GNAL: variants seen among roughly 807,000 people sequenced by gnomAD.
The protein encoded by GNAL is G protein subunit alpha L.
In GNAL, 18 loss-of-function variants were observed where a neutral mutation model predicts 55.1. That is an observed-to-expected ratio of 0.33 (90% CI 0.23 to 0.48). The LOEUF (loss-of-function observed/expected upper bound fraction) is 0.48. Among genes scored for constraint, GNAL ranks in the 20% least tolerant of loss-of-function variants. The pLI, the probability that GNAL is intolerant of heterozygous loss-of-function variation, is 0.99. For synonymous variants in GNAL, 253 were observed against 237.0 expected (o/e 1.07, Z -0.62); for missense variants, 412 against 614.1 (o/e 0.67, Z 3.48).
At chr18:11,875,047 TC>T (rs1433156360) in intron 10 of GNAL, among the ~76,000 whole-genome samples, 1 of 152,190 alleles carries the variant, frequency 6.6e-6, no homozygotes, top group Non-Finnish European at 1.5e-5. Flanking sequence ...TGTGGACTCT[TC>T]CGGGGGAGAA....
chr18:11,778,177 C>G (rs1441256082), intron 4 of GNAL, among the ~76,000 whole-genome samples: 1 of 152,130 alleles, frequency 6.6e-6, no homozygotes, highest in Non-Finnish European at 1.5e-5. Flanking sequence ...AGCTGTTGTT[C>G]GATTTCCTGC....
At position 11,862,174 on chromosome 18, in the gene GNAL, T is replaced by TA. The variant is rs200420676; in HGVS notation, c.723-213dup. 1.5e-4 allele frequency among the ~76,000 whole-genome samples: 23 copies of TA among 150,796 alleles called. No homozygotes were observed. The East Asian group carries it at 4.1e-3, about 27-fold the overall frequency. Reference sequence around the variant, plus strand: ...GAAGAGAGGGGAGAGAAGGCAACATTAAAAAAAAGAAAAAAAAAGAATGCA... The same window carrying TA: ...GAAGAGAGGGGAGAGAAGGCAACATTAAAAAAAAAGAAAAAAAAAGAATGCA... On this transcript the variant is annotated intron_variant, in intron 5 of 11. Transcript: ENST00000334049.
intron 5 of GNAL, chr18:11,852,137 T>C: frequency 1.9e-6 from 3 of 1,548,624 alleles, no homozygotes; most frequent in Non-Finnish European, 2.6e-6. Flanking sequence ...TGAGGTTTCC[T>C]GGCCATAGCC....
At chr18:11,771,877 G>C (rs1295051495) in intron 4 of GNAL, among the ~76,000 whole-genome samples, 3 of 152,054 alleles carry the variant, frequency 2.0e-5, no homozygotes, top group African/African-American at 4.8e-5. Flanking sequence ...ACCATGCCTG[G>C]CTAATTTTTT....
chr18:11,858,330 C>T (rs982669813), intron 5 of GNAL, among the ~76,000 whole-genome samples: 2 of 152,102 alleles, frequency 1.3e-5, no homozygotes, highest in Non-Finnish European at 2.9e-5. Context: ...TGATTTTTTA[C>T]AATGCTAATT....
intron 4 of GNAL, among the ~76,000 whole-genome samples, chr18:11,799,788 T>A (rs1199649211): frequency 6.6e-6 from 1 of 152,108 alleles, no homozygotes; most frequent in Non-Finnish European, 1.5e-5. Flanking sequence ...GCTTTTAAAT[T>A]TTCAGCAGTG....
rs150336098 is a variant in GNAL, at chr18:11,698,042, G to C, written c.376+8103G>C. On this transcript the variant is annotated intron_variant, in intron 1 of 11. Transcript: ENST00000334049. Reference sequence around the variant, plus strand: ...ACGTGCAGAGTGAGAAAGGAAGGGAGGAGGGCCCAGGATAGGAGGCCGTGG... The same window carrying C: ...ACGTGCAGAGTGAGAAAGGAAGGGACGAGGGCCCAGGATAGGAGGCCGTGG... Among the ~76,000 whole-genome samples the C allele has an allele frequency of 1.8e-3, 277 of 152,254 alleles. 1 individual carries two copies. The highest frequency in any genetic ancestry group is 6.4e-3 in the African/African-American group (267 of 41,544).
chr18:11,863,174 C>T (rs1281929603), intron 6 of GNAL, among the ~76,000 whole-genome samples: 1 of 152,168 alleles, frequency 6.6e-6, no homozygotes, highest in Non-Finnish European at 1.5e-5. Flanking sequence ...CCACCGTGCC[C>T]AGCCCACTCC....
At chr18:11,728,800 T>C (rs2032271527) in intron 1 of GNAL, among the ~76,000 whole-genome samples, 1 of 152,180 alleles carries the variant, frequency 6.6e-6, no homozygotes, top group East Asian at 1.9e-4. Context: ...GATTCCTGTC[T>C]TAGACGATGA....
chr18:11,788,914 A>AAAAAAATATATAT (rs60071996), intron 4 of GNAL, among the ~76,000 whole-genome samples: 11 of 56,294 alleles, frequency 2.0e-4, no homozygotes, highest in African/African-American at 6.0e-4. Flanking sequence ...AAAAAAAAAA[A>AAAAAAATATATAT]ATATATATAT....
In GNAL at chr18:11,752,658, C is replaced by CA; in HGVS notation, c.377-194dup. ...AGCGGCGAGCGCCAGGCTGGGCGGG[C>CA]AGGGCCGGGCGAGGGTCGCGCGCAC... On this transcript the variant is annotated intron_variant, in intron 1 of 11. Coordinates refer to ENST00000334049, the MANE Select transcript of GNAL (RefSeq NM_182978.4). The surrounding 1 kb of genome is among the most constrained non-coding windows in gnomAD (Gnocchi z 4.5). The CA allele has an allele frequency of 7.3e-7, 1 of 1,364,414 alleles. No homozygotes were observed. The allele number at this position is 1,364,414 out of a possible 1,614,324, so 84.5% of individuals were successfully genotyped here.
At chr18:11,787,624 T>G (rs1056439122) in intron 4 of GNAL, among the ~76,000 whole-genome samples, 1 of 152,098 alleles carries the variant, frequency 6.6e-6, no homozygotes, top group East Asian at 1.9e-4. Context: ...TGTGTAATCC[T>G]AGCACTTTGG....
At chr18:11,750,606 C>T (rs1381473385) in intron 1 of GNAL, among the ~76,000 whole-genome samples, 1 of 152,068 alleles carries the variant, frequency 6.6e-6, no homozygotes, top group East Asian at 1.9e-4. Context: ...AAATAAAGAC[C>T]AAAATTCATG....
At chr18:11,858,193 G>A (rs2036053151) in intron 5 of GNAL, among the ~76,000 whole-genome samples, 1 of 152,074 alleles carries the variant, frequency 6.6e-6, no homozygotes. Context: ...CAAACAGAAG[G>A]GGGATCTAAA....
chr18:11,746,430 C>T (rs1418233265), intron 1 of GNAL: 1 of 255,528 alleles, frequency 3.9e-6, no homozygotes, highest in Admixed American at 4.8e-5. Context: ...GGCAACATAG[C>T]AAGACCCCAT....
intron 9 of GNAL, among the ~76,000 whole-genome samples, chr18:11,871,497 C>G (rs577409622): frequency 6.6e-6 from 1 of 152,158 alleles, no homozygotes; most frequent in Admixed American, 6.5e-5. Flanking sequence ...GATCTGCCCA[C>G]CTCTGCCCCA....
At chr18:11,794,876 T>C (rs559510953) in intron 4 of GNAL, among the ~76,000 whole-genome samples, 26 of 152,054 alleles carry the variant, frequency 1.7e-4, no homozygotes, top group Non-Finnish European at 2.8e-4. Flanking sequence ...AGAGTCTCGT[T>C]CTGTCACCCA....
intron 4 of GNAL, among the ~76,000 whole-genome samples, chr18:11,813,111 C>T (rs1472743846): frequency 1.3e-5 from 2 of 151,564 alleles, no homozygotes; most frequent in Non-Finnish European, 2.9e-5. Context: ...ACAAATTAGT[C>T]GAGCATGGTG....
chr18:11,736,985 A>T (rs72865240), intron 1 of GNAL, among the ~76,000 whole-genome samples: 7,710 of 152,346 alleles, frequency 0.051, 260 homozygotes, highest in Non-Finnish European at 0.075. Flanking sequence ...AAAGTATATG[A>T]TAAAGCAAAT....
Sources: gnomAD v4.1 joint callset for allele counts (sites outside exome capture counted in the v4.1 genomes callset) on GRCh38, gnomAD v4.1.1 for gene constraint, Gnocchi (gnomAD v3.1) non-coding constraint, MANE v1.5 for transcripts, NCBI Gene and HGNC (gene_info 2026-07-23, HGNC 2026-07-21) for gene names.